FSTL4: variants seen among roughly 807,000 people sequenced by gnomAD.
The protein encoded by FSTL4 is follistatin-related protein 4.
FSTL4 carries 28 observed loss-of-function variants against 78.2 expected under a neutral mutation model. That is an observed-to-expected ratio of 0.36 (90% CI 0.27 to 0.49). The LOEUF is 0.49. Among genes scored for constraint, FSTL4 ranks in the 20% least tolerant of loss-of-function variants. FSTL4 has a pLI of 0.98. For synonymous variants in FSTL4, 422 were observed against 440.5 expected (o/e 0.96, Z 0.53); for missense variants, 922 against 1,084.9 (o/e 0.85, Z 2.11).
At chr5:133,717,978 C>T in the FSTL4 span, among the ~76,000 whole-genome samples, 1 of 152,088 alleles carries the variant, frequency 6.6e-6, no homozygotes, top group Non-Finnish European at 1.5e-5. Context: ...AAGAAACTGC[C>T]CAACTGTTTT....
the FSTL4 span, among the ~76,000 whole-genome samples, chr5:133,824,004 G>A: frequency 6.6e-6 from 1 of 152,184 alleles, no homozygotes; most frequent in African/African-American, 2.4e-5. Context: ...TTGAAGAGAC[G>A]GGACAAAGAC....
At chr5:133,655,484 TTAAGAAGC>T in the FSTL4 span, among the ~76,000 whole-genome samples, 2 of 152,318 alleles carry the variant, frequency 1.3e-5, no homozygotes, top group South Asian at 2.1e-4. Flanking sequence ...AGGAGAATCT[TTAAGAAGC>T]TTTTAAGAAT....
intron 3 of FSTL4, among the ~76,000 whole-genome samples, chr5:133,493,450 T>A (rs537899277): frequency 1.3e-5 from 2 of 152,326 alleles, no homozygotes; most frequent in East Asian, 3.9e-4. Context: ...TGGTTCAAAG[T>A]CTAGGCAGAC....
the FSTL4 span, among the ~76,000 whole-genome samples, chr5:133,728,056 C>G: frequency 1.3e-5 from 2 of 152,198 alleles, no homozygotes; most frequent in Non-Finnish European, 2.9e-5. Flanking sequence ...GCTGCCCAGC[C>G]TGACCCAGCA....
intron 3 of FSTL4, among the ~76,000 whole-genome samples, chr5:133,401,528 T>C (rs1469364966): frequency 6.6e-6 from 1 of 152,230 alleles, no homozygotes; most frequent in Non-Finnish European, 1.5e-5. Flanking sequence ...TACTATGTCA[T>C]GACTTTGGAC....
At chr5:133,804,484 A>T in the FSTL4 span, among the ~76,000 whole-genome samples, 1 of 152,198 alleles carries the variant, frequency 6.6e-6, no homozygotes, top group African/African-American at 2.4e-5. Flanking sequence ...GAAAACACAC[A>T]CACAGGGAGT....
At chr5:133,201,779 C>T (rs1750327767) in intron 15 of FSTL4, among the ~76,000 whole-genome samples, 154 bp downstream of exon 15, 1 of 152,206 alleles carries the variant, frequency 6.6e-6, no homozygotes, top group Non-Finnish European at 1.5e-5. Context: ...GTCTGTTTTA[C>T]TGGACCTTCT....
chr5:133,251,055 C>T (rs1225556339), intron 6 of FSTL4, among the ~76,000 whole-genome samples: 2 of 152,198 alleles, frequency 1.3e-5, no homozygotes, highest in Non-Finnish European at 2.9e-5. Context: ...ATTTTACCAA[C>T]AATAAAGTGA....
chr5:133,614,222 T>C (rs1370528905), upstream of FSTL4, among the ~76,000 whole-genome samples: 1 of 152,200 alleles, frequency 6.6e-6, no homozygotes, highest in Non-Finnish European at 1.5e-5. Flanking sequence ...AGTGGCCTTA[T>C]TACATAATCA....
chr5:133,716,979 A>G, the FSTL4 span, among the ~76,000 whole-genome samples: 1 of 152,248 alleles, frequency 6.6e-6, no homozygotes, highest in Non-Finnish European at 1.5e-5. Flanking sequence ...CAAATCCCTT[A>G]TCTGGTTCCT....
rs185883089 is a variant in FSTL4, at chr5:133,208,611, G to C, written c.1716+1580C>G. ...TCTTCATGGGTTTGCTCTGTGATTT[G>C]AGAGAGCTTTTCTTGTTCTTTATCT... On this transcript the variant is annotated intron_variant, in intron 14 of 15. Transcript: ENST00000265342. 2.0e-5 allele frequency among the ~76,000 whole-genome samples: 3 copies of C among 152,276 alleles called. No homozygotes were observed. The East Asian group carries it at 5.8e-4, about 29-fold the overall frequency.
chr5:133,535,714 G>A (rs1368099767), intron 3 of FSTL4, among the ~76,000 whole-genome samples: 1 of 152,096 alleles, frequency 6.6e-6, no homozygotes, highest in Non-Finnish European at 1.5e-5. Context: ...CTCCCCGACC[G>A]AGCTGTTCTC....
intron 4 of FSTL4, among the ~76,000 whole-genome samples, chr5:133,393,665 G>A (rs1755917176): frequency 6.6e-6 from 1 of 152,262 alleles, no homozygotes; most frequent in South Asian, 2.1e-4. Context: ...AGACCAGGCT[G>A]AAGGTAGGCT....
the FSTL4 span, among the ~76,000 whole-genome samples, chr5:133,762,397 T>A: frequency 6.6e-6 from 1 of 152,118 alleles, no homozygotes; most frequent in South Asian, 2.1e-4. Flanking sequence ...AGCCCCAAAC[T>A]TTCATTTTCA....
chr5:133,488,666 G>A (rs758638870), intron 3 of FSTL4, among the ~76,000 whole-genome samples: 5 of 152,222 alleles, frequency 3.3e-5, no homozygotes, highest in Non-Finnish European at 5.9e-5. Flanking sequence ...TATTAAAAAT[G>A]TAGATTTGGA....
intron 3 of FSTL4, among the ~76,000 whole-genome samples, chr5:133,556,884 T>G (rs529023650): frequency 6.6e-5 from 10 of 152,300 alleles, no homozygotes; most frequent in African/African-American, 2.2e-4. Context: ...CACTGCCAGG[T>G]GAGGGGCTTG....
At chr5:133,394,748 G>A (rs946418709) in intron 4 of FSTL4, among the ~76,000 whole-genome samples, 16 of 152,230 alleles carry the variant, frequency 1.1e-4, no homozygotes, top group Admixed American at 2.0e-4. Flanking sequence ...TGCACTGCGC[G>A]GGACTGGCAG....
the FSTL4 span, among the ~76,000 whole-genome samples, chr5:133,772,370 A>C: frequency 6.6e-6 from 1 of 152,346 alleles, no homozygotes; most frequent in Admixed American, 6.5e-5. Flanking sequence ...TTAGTGCAAA[A>C]TGCAAGAATC....
the FSTL4 span, among the ~76,000 whole-genome samples, chr5:133,754,196 G>A: frequency 2.0e-5 from 3 of 152,098 alleles, no homozygotes; most frequent in East Asian, 5.8e-4. Context: ...ACCACCTCAG[G>A]GAGCCTAGTC....
Sources: gnomAD v4.1 joint callset for allele counts (sites outside exome capture counted in the v4.1 genomes callset) on GRCh38, gnomAD v4.1.1 for gene constraint, MANE v1.5 for transcripts, NCBI Gene and HGNC (gene_info 2026-07-23, HGNC 2026-07-21) for gene names.